MAST4: variants seen among roughly 807,000 people sequenced by gnomAD.
MAST4 encodes microtubule-associated serine/threonine-protein kinase 4.
In MAST4, 89 loss-of-function variants were observed where a neutral mutation model predicts 162.7. The ratio of observed to expected loss-of-function variants is 0.55; its 90% confidence interval spans 0.46 to 0.65. The LOEUF (loss-of-function observed/expected upper bound fraction) is 0.65. Among genes scored for constraint, MAST4 ranks in the 30% least tolerant of loss-of-function variants. The probability of loss-of-function intolerance (pLI) is 0.00; values close to 1 mark genes in which losing one functional copy is unlikely to be tolerated. For synonymous variants in MAST4, 1,479 were observed against 1,361.1 expected (o/e 1.09, Z -1.91); for missense variants, 3,153 against 3,374.0 (o/e 0.93, Z 1.62).
chr5:66,806,861 G>A (rs1006997821), intron 3 of MAST4, among the ~76,000 whole-genome samples: 1 of 151,804 alleles, frequency 6.6e-6, no homozygotes, highest in Non-Finnish European at 1.5e-5. Flanking sequence ...TGGTTTTCTT[G>A]CCTGTGTGAT....
chr5:67,037,879 T>TC (rs397792079), intron 4 of MAST4, among the ~76,000 whole-genome samples: 4 of 152,010 alleles, frequency 2.6e-5, no homozygotes, highest in Non-Finnish European at 5.9e-5. Context: ...GATTTTTTTT[T>TC]CTTTTTTAAA....
At chr5:66,754,903 A>G (rs1056647086) in intron 1 of MAST4, among the ~76,000 whole-genome samples, 6 of 152,198 alleles carry the variant, frequency 3.9e-5, no homozygotes, top group African/African-American at 1.4e-4. Context: ...AATATCTGGA[A>G]TGTGTCGCAG....
chr5:66,852,100 A>G (rs893608748), intron 3 of MAST4, among the ~76,000 whole-genome samples: 2 of 152,184 alleles, frequency 1.3e-5, no homozygotes, highest in Non-Finnish European at 2.9e-5. Context: ...TAGACACTGT[A>G]TATATATAGA....
intron 4 of MAST4, among the ~76,000 whole-genome samples, chr5:66,950,550 G>A (rs1416329325): frequency 6.6e-6 from 1 of 152,092 alleles, no homozygotes; most frequent in Non-Finnish European, 1.5e-5. Context: ...TTGTCCTTTT[G>A]TGTCTGGCTT....
At chr5:67,083,910 C>G (rs1228310907) in intron 5 of MAST4, among the ~76,000 whole-genome samples, 2 of 152,166 alleles carry the variant, frequency 1.3e-5, no homozygotes, top group Non-Finnish European at 2.9e-5. Context: ...CTTTCTTCAT[C>G]ACTCTTGACA....
At chr5:67,123,418 A>G (rs1211886681) in intron 14 of MAST4, among the ~76,000 whole-genome samples, 1 of 152,216 alleles carries the variant, frequency 6.6e-6, no homozygotes, top group Non-Finnish European at 1.5e-5. Flanking sequence ...TCTTTTTGCC[A>G]ACTTAGTGCT....
intron 4 of MAST4, among the ~76,000 whole-genome samples, chr5:66,938,531 G>A (rs1033372867): frequency 5.3e-5 from 8 of 152,184 alleles, no homozygotes; most frequent in South Asian, 2.1e-4. Context: ...TTAAAGAGGA[G>A]TTGGGCAAAG....
intron 3 of MAST4, among the ~76,000 whole-genome samples, chr5:66,832,917 A>G (rs1757712718): frequency 6.6e-6 from 1 of 152,186 alleles, no homozygotes; most frequent in Non-Finnish European, 1.5e-5. Flanking sequence ...AACTTTTTGC[A>G]GTTGTGGGTC....
chr5:66,807,715 G>A lies in MAST4; in HGVS notation c.642+18921G>A, dbSNP rs1756270248. Among the ~76,000 whole-genome samples, 3 of 152,128 alleles carry A rather than the reference G, an allele frequency of 2.0e-5. No individual in the cohort carries two copies. The South Asian group carries it at 6.2e-4, about 32-fold the overall frequency. On this transcript the variant is annotated intron_variant, in intron 3 of 28. Transcript: ENST00000403625. Reference sequence around the variant, plus strand: ...TTCTCATACTCATGGGAACCGTAGGGCTAAAGGCATCCTGTCTGTTGGGCA... The same window carrying A: ...TTCTCATACTCATGGGAACCGTAGGACTAAAGGCATCCTGTCTGTTGGGCA...
intron 1 of MAST4, among the ~76,000 whole-genome samples, chr5:66,665,529 A>G (rs1412660648): frequency 6.6e-6 from 1 of 152,228 alleles, no homozygotes; most frequent in African/African-American, 2.4e-5. Flanking sequence ...TTTTAATAAC[A>G]TATTTAATAG....
intron 1 of MAST4, among the ~76,000 whole-genome samples, chr5:66,756,019 A>G (rs1036468780): frequency 6.6e-6 from 1 of 152,166 alleles, no homozygotes; most frequent in African/African-American, 2.4e-5. Context: ...ACAGTTTTGG[A>G]AACTTTCTTT....
intron 1 of MAST4, among the ~76,000 whole-genome samples, chr5:66,638,150 G>C (rs1745243645): frequency 6.6e-6 from 1 of 152,042 alleles, no homozygotes; most frequent in African/African-American, 2.4e-5. Flanking sequence ...TCTTACACTT[G>C]TGGCAGCTCC....
At chr5:67,003,530 C>T (rs867099959) in intron 4 of MAST4, among the ~76,000 whole-genome samples, 2 of 152,158 alleles carry the variant, frequency 1.3e-5, no homozygotes. Flanking sequence ...CTGGTATTTA[C>T]TGCATGGACT....
intron 3 of MAST4, among the ~76,000 whole-genome samples, chr5:66,821,597 T>C (rs1478280803): frequency 2.0e-5 from 3 of 152,232 alleles, no homozygotes; most frequent in Admixed American, 6.5e-5. Context: ...TATTGTAATA[T>C]TATGGCATTA....
chr5:67,077,829 G>A (rs1352668653), intron 5 of MAST4, among the ~76,000 whole-genome samples: 1 of 152,218 alleles, frequency 6.6e-6, no homozygotes, highest in African/African-American at 2.4e-5. Context: ...GACAGGTGCA[G>A]TGGCTCATGC....
At chr5:66,727,052 G>A (rs1205296664) in intron 1 of MAST4, among the ~76,000 whole-genome samples, 4 of 152,176 alleles carry the variant, frequency 2.6e-5, no homozygotes, top group African/African-American at 9.7e-5. Flanking sequence ...TGTGCACAGG[G>A]AGGGGAACAT....
intron 4 of MAST4, among the ~76,000 whole-genome samples, chr5:66,969,213 A>T (rs16896069): frequency 2.6e-5 from 4 of 151,950 alleles, no homozygotes; most frequent in Non-Finnish European, 5.9e-5. Flanking sequence ...TAGAGCTGCC[A>T]TTCTCCATTT....
chr5:66,760,534 C>G (rs1056887412), intron 2 of MAST4, among the ~76,000 whole-genome samples: 10 of 152,302 alleles, frequency 6.6e-5, no homozygotes, highest in African/African-American at 2.4e-4. Context: ...AACCCACCCT[C>G]TACTTCCACC....
At chr5:66,956,681 T>TA (rs945278458) in intron 4 of MAST4, among the ~76,000 whole-genome samples, 2 of 152,236 alleles carry the variant, frequency 1.3e-5, no homozygotes, top group Non-Finnish European at 2.9e-5. Flanking sequence ...TGATGTGTTG[T>TA]AATACATTAC....
Sources: gnomAD v4.1 joint callset for allele counts (sites outside exome capture counted in the v4.1 genomes callset) on GRCh38, gnomAD v4.1.1 for gene constraint, MANE v1.5 for transcripts, NCBI Gene and HGNC (gene_info 2026-07-23, HGNC 2026-07-21) for gene names.